SAXO1: variants seen among roughly 807,000 people sequenced by gnomAD.
SAXO1 encodes 4930500O09Rik.
A neutral mutation model predicts 17.5 loss-of-function variants in SAXO1; 21 were observed. That is an observed-to-expected ratio of 1.20 (90% CI 0.85 to 1.72). The LOEUF (loss-of-function observed/expected upper bound fraction) is 1.72. Ranked by LOEUF, SAXO1 falls within the 40% of genes most tolerant of loss-of-function variation. SAXO1 has a pLI of 0.00. For synonymous variants in SAXO1, 274 were observed against 216.5 expected (o/e 1.27, Z -2.33); for missense variants, 843 against 596.0 (o/e 1.41, Z -4.32).
intron 1 of SAXO1, among the ~76,000 whole-genome samples, chr9:18,995,617 G>A (rs1267208316): frequency 2.0e-5 from 3 of 151,992 alleles, no homozygotes; most frequent in Non-Finnish European, 4.4e-5. Flanking sequence ...TCACTTCCAG[G>A]GACAAAGTCC....
At chr9:18,970,715 T>G (rs1362017667) in intron 1 of SAXO1, among the ~76,000 whole-genome samples, 1 of 152,180 alleles carries the variant, frequency 6.6e-6, no homozygotes, top group African/African-American at 2.4e-5. Context: ...TTCATCTCCT[T>G]CAAGAGAATG....
At chr9:19,041,377 A>C (rs909547707) in intron 1 of SAXO1, among the ~76,000 whole-genome samples, 2 of 152,218 alleles carry the variant, frequency 1.3e-5, no homozygotes, top group Non-Finnish European at 2.9e-5. Flanking sequence ...TACCCAAAGC[A>C]ATCTACAGAT....
intron 1 of SAXO1, among the ~76,000 whole-genome samples, chr9:18,961,259 C>T (rs1832470762): frequency 1.3e-5 from 2 of 152,014 alleles, no homozygotes; most frequent in Non-Finnish European, 2.9e-5. Flanking sequence ...CAGCCTCAAC[C>T]TCCCGGGCTC....
At chr9:18,934,820 T>C (rs534278980) in intron 3 of SAXO1, among the ~76,000 whole-genome samples, 2 of 152,376 alleles carry the variant, frequency 1.3e-5, no homozygotes, top group African/African-American at 4.8e-5. Flanking sequence ...TGGTTTTACT[T>C]GTGTTTAGCT....
Position 18,952,268 on chromosome 9 carries a change from T to C in SAXO1, c.39-1331A>G, listed in dbSNP as rs971120204. 2.0e-5 allele frequency among the ~76,000 whole-genome samples: 3 copies of C among 152,228 alleles called. No homozygotes were observed. In the South Asian group the frequency reaches 6.2e-4, roughly 31 times the overall value. ...AGCTACCTTCATGAATGGCATAGCA[T>C]TGTTTTCCCATTTTCACACTGGACT... On this transcript the variant is annotated intron_variant, in intron 1 of 3. Coordinates refer to ENST00000380534, the MANE Select transcript of SAXO1 (RefSeq NM_153707.4).
At chr9:18,936,442 G>A (rs964125273) in intron 3 of SAXO1, among the ~76,000 whole-genome samples, 3 of 152,100 alleles carry the variant, frequency 2.0e-5, no homozygotes, top group Non-Finnish European at 2.9e-5. Context: ...AGGTACTTGG[G>A]GGTGGGGAGG....
intron 3 of SAXO1, among the ~76,000 whole-genome samples, chr9:18,939,871 A>T (rs1355949212): frequency 6.6e-6 from 1 of 152,238 alleles, no homozygotes; most frequent in Non-Finnish European, 1.5e-5. Flanking sequence ...TATACAAAGG[A>T]GTGGTCAGAT....
At chr9:18,965,954 C>T (rs149081040) in intron 1 of SAXO1, among the ~76,000 whole-genome samples, 2 of 152,310 alleles carry the variant, frequency 1.3e-5, no homozygotes, top group African/African-American at 4.8e-5. Flanking sequence ...GACACAATCC[C>T]TCAGCATTGG....
chr9:19,046,699 T>C (rs1338928166), intron 1 of SAXO1, among the ~76,000 whole-genome samples: 1 of 131,042 alleles, frequency 7.6e-6, no homozygotes, highest in East Asian at 2.0e-4. Flanking sequence ...CAAAACTTCG[T>C]CTCAGAAAAA....
chr9:19,042,488 C>T (rs1836100856), intron 1 of SAXO1, among the ~76,000 whole-genome samples: 1 of 152,260 alleles, frequency 6.6e-6, no homozygotes, highest in South Asian at 2.1e-4. Flanking sequence ...GAGATAGCTG[C>T]ACTCCTATGT....
upstream of SAXO1, among the ~76,000 whole-genome samples, chr9:19,034,036 C>T (rs1437643616): frequency 6.6e-6 from 1 of 152,226 alleles, no homozygotes; most frequent in Non-Finnish European, 1.5e-5. Flanking sequence ...CTAGCTTCAA[C>T]AAGAAGCCAG....
intron 1 of SAXO1, among the ~76,000 whole-genome samples, chr9:18,965,559 G>C (rs553296044): frequency 1.3e-5 from 2 of 150,144 alleles, no homozygotes; most frequent in Admixed American, 6.6e-5. Flanking sequence ...TCAAAGACTA[G>C]GATTGCAACC....
chr9:19,027,064 A>G, intron 1 of SAXO1: 1 of 848,952 alleles, frequency 1.2e-6, no homozygotes, highest in Admixed American at 1.7e-5. Context: ...GACAAGATCA[A>G]AGAGAACAGT....
intron 1 of SAXO1, among the ~76,000 whole-genome samples, chr9:18,986,883 G>A (rs1404644714): frequency 1.3e-5 from 2 of 152,188 alleles, no homozygotes; most frequent in African/African-American, 4.8e-5. Flanking sequence ...AAATCAGCAT[G>A]ACAATTTTCT....
chr9:18,967,803 A>T (rs1832784568), intron 1 of SAXO1, among the ~76,000 whole-genome samples: 1 of 149,292 alleles, frequency 6.7e-6, no homozygotes, highest in Non-Finnish European at 1.5e-5. Flanking sequence ...GAAAAAAAAA[A>T]CTCCTGCAGC....
chr9:18,988,795 G>C (rs2131836538), intron 1 of SAXO1, among the ~76,000 whole-genome samples: 1 of 152,206 alleles, frequency 6.6e-6, no homozygotes, highest in Middle Eastern at 3.4e-3. Flanking sequence ...ACTTTGTCAG[G>C]AATAAAACCC....
intron 1 of SAXO1, among the ~76,000 whole-genome samples, chr9:18,959,523 C>T (rs4977479): frequency 0.54 from 82,089 of 152,032 alleles, 25,717 homozygotes; most frequent in Non-Finnish European, 0.7. Flanking sequence ...GTAATCCCAG[C>T]ACTATAGGAG....
rs369247285 is a variant in SAXO1, at chr9:18,941,806, C to T, written c.252G>A (p.Val84=). 21 of 1,614,204 alleles carry T rather than the reference C, an allele frequency of 1.3e-5. No homozygotes were observed. Among genetic ancestry groups the T allele is most frequent in the Middle Eastern group, 1.6e-4 (1 of 6,062 alleles). The change falls in exon 3 of 4, where the codon GTG becomes GTA. Residue 84 remains valine, a synonymous_variant. Transcript: ENST00000380534. ...RDFGPHKVAP[V]KVHQYDQFVP... The stretch of plus-strand genomic sequence containing the variant: ...CGAACTGGTCATACTGGTGGACCTT[C>T]ACTGGTGCCACTTTGTGAGGCCCAA...
At chr9:19,005,799 G>T (rs1027667362) in intron 1 of SAXO1, among the ~76,000 whole-genome samples, 1 of 152,166 alleles carries the variant, frequency 6.6e-6, no homozygotes, top group African/African-American at 2.4e-5. Context: ...AAACTTCTGT[G>T]TAAACAACGC....
Sources: gnomAD v4.1 joint callset for allele counts (sites outside exome capture counted in the v4.1 genomes callset) on GRCh38, gnomAD v4.1.1 for gene constraint, MANE v1.5 for transcripts, NCBI Gene and HGNC (gene_info 2026-07-23, HGNC 2026-07-21) for gene names.